Variants in INSL6 observed in about 807,000 individuals in gnomAD.
INSL6 encodes insulin like 6, also known as insulin-like peptide INSL6.
A neutral mutation model predicts 9.4 loss-of-function variants in INSL6; 16 were observed. That is an observed-to-expected ratio of 1.70 (90% CI 1.15 to 2.59). The LOEUF (loss-of-function observed/expected upper bound fraction) is 2.59. INSL6 is among the 30% of genes most tolerant of loss of function. The pLI is 0.00. For missense variants in INSL6, 391 were observed against 257.3 expected (o/e 1.52, Z -3.56); for synonymous variants, 154 against 96.9 (o/e 1.59, Z -3.46).
At chr9:5,112,357 T>C in the INSL6 span, 4 of 355,750 alleles carry the variant, frequency 1.1e-5, no homozygotes, top group Non-Finnish European at 2.1e-5. Context: ...ACTCCTGCAG[T>C]GGGCTAGGGC....
the INSL6 span, among the ~76,000 whole-genome samples, chr9:5,022,763 A>G: frequency 3.3e-5 from 5 of 152,178 alleles, no homozygotes; most frequent in African/African-American, 1.2e-4. Flanking sequence ...CTTTCTATAG[A>G]GCTAACACAT....
the INSL6 span, among the ~76,000 whole-genome samples, chr9:5,088,694 G>C: frequency 2.0e-5 from 3 of 152,196 alleles, no homozygotes; most frequent in Non-Finnish European, 2.9e-5. Flanking sequence ...TGAGATCAAA[G>C]TTCTGGCAGG....
the INSL6 span, among the ~76,000 whole-genome samples, chr9:5,117,955 T>A: frequency 6.6e-6 from 1 of 152,246 alleles, no homozygotes; most frequent in Non-Finnish European, 1.5e-5. Context: ...AAAAACCACA[T>A]CCTCTTACAC....
At chr9:5,070,173 A>C in the INSL6 span, 1 of 590,232 alleles carries the variant, frequency 1.7e-6, no homozygotes, top group African/African-American at 1.9e-5. Flanking sequence ...TTGTGATTTA[A>C]ATATTTTTCT....
At chr9:5,092,554 G>A in the INSL6 span, among the ~76,000 whole-genome samples, 1 of 152,166 alleles carries the variant, frequency 6.6e-6, no homozygotes, top group Non-Finnish European at 1.5e-5. Flanking sequence ...CAAAAGAATA[G>A]GCAATAGAAA....
At chr9:5,043,500 GAAT>G in the INSL6 span, among the ~76,000 whole-genome samples, 1 of 152,178 alleles carries the variant, frequency 6.6e-6, no homozygotes, top group African/African-American at 2.4e-5. Context: ...TTGCTGTTGG[GAAT>G]GTAAAGTGGT....
the INSL6 span, chr9:5,085,769 GTTA>G: frequency 9.3e-6 from 7 of 754,742 alleles, no homozygotes; most frequent in East Asian, 7.4e-5. Context: ...CATGTCGGGA[GTTA>G]TTATGATGAA....
the INSL6 span, among the ~76,000 whole-genome samples, chr9:4,995,512 C>T: frequency 2.6e-5 from 4 of 152,174 alleles, no homozygotes; most frequent in African/African-American, 9.7e-5. Flanking sequence ...GTCAGATAAT[C>T]CTTCTTTTCT....
chr9:5,064,132 G>A, the INSL6 span, among the ~76,000 whole-genome samples: 1 of 152,080 alleles, frequency 6.6e-6, no homozygotes, highest in East Asian at 1.9e-4. Flanking sequence ...CTCCAGCCTG[G>A]GCGACAGAGC....
At chr9:5,041,696 C>T in the INSL6 span, 10 of 506,406 alleles carry the variant, frequency 2.0e-5, no homozygotes, top group African/African-American at 9.8e-5. Flanking sequence ...GAAGCGGCTT[C>T]GTGTTCGACT....
the INSL6 span, chr9:5,041,140 C>A: frequency 9.5e-7 from 1 of 1,047,282 alleles, no homozygotes. Flanking sequence ...TGATCGCCAT[C>A]CGGCTGATCA....
intron 1 of INSL6, among the ~76,000 whole-genome samples, chr9:5,170,724 A>G (rs963081459): frequency 1.2e-4 from 18 of 152,302 alleles, no homozygotes; most frequent in Non-Finnish European, 1.0e-4. Flanking sequence ...CTATACCAAT[A>G]AACCGGAAAA....
chr9:5,075,639 TG>T, the INSL6 span, among the ~76,000 whole-genome samples: 2 of 152,324 alleles, frequency 1.3e-5, no homozygotes, highest in East Asian at 1.9e-4. Context: ...AAAGTATTAC[TG>T]ATCATTGACA....
the INSL6 span, among the ~76,000 whole-genome samples, chr9:5,033,994 C>T: frequency 6.6e-6 from 1 of 152,078 alleles, no homozygotes; most frequent in Non-Finnish European, 1.5e-5. Flanking sequence ...TTCAGGAAAC[C>T]CATCTCACGT....
At chr9:5,053,461 G>A in the INSL6 span, among the ~76,000 whole-genome samples, 1 of 151,952 alleles carries the variant, frequency 6.6e-6, no homozygotes, top group South Asian at 2.1e-4. Flanking sequence ...GGTATCATTT[G>A]TAGCACAAAA....
At chr9:5,135,658 C>A (rs1434696673) in intron 2 of INSL6, among the ~76,000 whole-genome samples, 1 of 152,038 alleles carries the variant, frequency 6.6e-6, no homozygotes, top group Admixed American at 6.6e-5. Flanking sequence ...TAAGTGCCCA[C>A]AAGAGAAAGC....
intron 2 of INSL6, among the ~76,000 whole-genome samples, chr9:5,134,036 T>C (rs774622514): frequency 2.0e-5 from 3 of 152,040 alleles, no homozygotes; most frequent in Admixed American, 6.5e-5. Flanking sequence ...GCACGAGAAC[T>C]TCATGAAGCA....
the INSL6 span, chr9:5,094,185 G>A: frequency 0.24 from 37,141 of 151,968 alleles, 4,933 homozygotes; most frequent in South Asian, 0.3. Flanking sequence ...CAAAGGACCT[G>A]ATACCGTAGG....
At chr9:5,104,893 T>C in the INSL6 span, among the ~76,000 whole-genome samples, 1 of 152,210 alleles carries the variant, frequency 6.6e-6, no homozygotes, top group African/African-American at 2.4e-5. Flanking sequence ...AAACTAGGTA[T>C]TGATGGAATG....
Sources: allele counts gnomAD v4.1 joint callset (sites outside exome capture counted in the v4.1 genomes callset), GRCh38; gene constraint gnomAD v4.1.1; transcripts MANE v1.5; gene names NCBI Gene and HGNC (gene_info 2026-07-23, HGNC 2026-07-21).